SLC5A1: variants seen among roughly 807,000 people sequenced by gnomAD.
The protein encoded by SLC5A1 is solute carrier family 5 member 1.
A neutral mutation model predicts 73.5 loss-of-function variants in SLC5A1; 42 were observed. The observed-to-expected ratio is 0.57, with a 90% CI of 0.45 to 0.74. The LOEUF (loss-of-function observed/expected upper bound fraction) is 0.74. Ranked by LOEUF, SLC5A1 falls within the 30% of genes least tolerant of loss-of-function variation. SLC5A1 has a pLI of 0.00. For missense variants in SLC5A1, 634 were observed against 855.4 expected (o/e 0.74, Z 3.23); for synonymous variants, 300 against 317.4 (o/e 0.95, Z 0.58).
chr22:32,082,673 C>T (rs2094001845), intron 6 of SLC5A1, among the ~76,000 whole-genome samples: 1 of 152,102 alleles, frequency 6.6e-6, no homozygotes, highest in African/African-American at 2.4e-5. Flanking sequence ...TGACTGCAGC[C>T]CCACAGCTTT....
Position 32,068,082 on chromosome 22 carries a change from G to T in SLC5A1, c.372+56G>T, listed in dbSNP as rs886645497. On this transcript the variant is annotated intron_variant, in intron 4 of 14. Coordinates refer to ENST00000266088, the MANE Select transcript of SLC5A1 (RefSeq NM_000343.4). ...GCTGGCAAATGTATCTGTCAGCTTG[G>T]TCTTCCTAGAGGGCAGAGGAGACAT... 6 of 1,555,250 alleles carry T rather than the reference G, an allele frequency of 3.9e-6. No homozygotes were observed. In the Admixed American group the frequency reaches 5.0e-5, roughly 13 times the overall value.
chr22:32,043,267 C>T lies in SLC5A1; in HGVS notation c.-15C>T, dbSNP rs200443129. On this transcript the variant is annotated 5_prime_UTR_variant, in exon 1 of 15. It adds an upstream start codon to the 5' untranslated region. Coordinates refer to ENST00000266088, the MANE Select transcript of SLC5A1 (RefSeq NM_000343.4). This position sits in a 1 kb window ranked among gnomAD's most constrained non-coding sequence, Gnocchi z 6.5. ...TAGCGGCCCTGGCGAGAGGGAAGGA[C>T]GCAACGCTGCCACCATGGACAGTAG... is the stretch of plus-strand genomic sequence containing the variant. 135 of 1,613,482 alleles carry T rather than the reference C, an allele frequency of 8.4e-5. No individual in the cohort carries two copies. Among genetic ancestry groups the T allele is most frequent in the Admixed American group, 6.8e-4 (41 of 60,020 alleles).
At chr22:32,068,169 G>C in intron 4 of SLC5A1, 143 bp downstream of exon 4, 1 of 872,702 alleles carries the variant, frequency 1.1e-6, no homozygotes, top group Non-Finnish European at 2.0e-6. Context: ...TGAAATTCCC[G>C]ACTGTCTGCA....
chr22:32,089,159 T>C (rs761699297), intron 10 of SLC5A1, among the ~76,000 whole-genome samples: 1 of 152,242 alleles, frequency 6.6e-6, no homozygotes, highest in East Asian at 1.9e-4. Context: ...TGAAAGCCCT[T>C]CCTACTAACT....
intron 5 of SLC5A1, among the ~76,000 whole-genome samples, chr22:32,081,297 T>C (rs566477135): frequency 6.6e-6 from 1 of 152,282 alleles, no homozygotes; most frequent in South Asian, 2.1e-4. Flanking sequence ...AAGCCTGCTA[T>C]GTAAGAGGTG....
Position 32,106,382 on chromosome 22 carries a change from A to C in SLC5A1, c.1771+1491A>C, listed in dbSNP as rs180781390. 3.0e-3 allele frequency among the ~76,000 whole-genome samples: 450 copies of C among 152,316 alleles called. 2 individuals are homozygous for C. Among genetic ancestry groups the C allele is most frequent in the Non-Finnish European group, 4.4e-3 (300 of 68,024 alleles). On this transcript the variant is annotated intron_variant, in intron 14 of 14. Coordinates refer to ENST00000266088, the MANE Select transcript of SLC5A1 (RefSeq NM_000343.4). ...ATCATATTTTGAGAAACGTCTATTAAAATCTTTAGACCATTTTTGATTGGA... is the reference window on the plus strand; with the variant it reads ...ATCATATTTTGAGAAACGTCTATTACAATCTTTAGACCATTTTTGATTGGA...
rs776452351 is a variant in SLC5A1 at position 32,091,618 on chromosome 22, G to GAGGCC, written c.1137_1141dup (p.Leu381GlnfsTer3). The GAGGCC allele has an allele frequency of 6.2e-7, 1 of 1,614,070 alleles. No homozygotes were observed. Among genetic ancestry groups the GAGGCC allele is most frequent in the Non-Finnish European group, 8.5e-7 (1 of 1,179,962 alleles). On this transcript the variant is annotated frameshift_variant, in exon 11 of 15. Coordinates refer to ENST00000266088, the MANE Select transcript of SLC5A1 (RefSeq NM_000343.4). LOFTEE classifies it high-confidence loss of function. ...AAAAATCCTTCTCTTCCAGGACTGCGAGGCCTGATGCTATCAGTCATGCTG... is the reference window on the plus strand; with the variant it reads ...AAAAATCCTTCTCTTCCAGGACTGCGAGGCCAGGCCTGATGCTATCAGTCATGCTG...
In SLC5A1 at chr22:32,081,851, C is replaced by T. The variant is rs1032566409; in HGVS notation, c.478-15C>T. The T allele has an allele frequency of 5.7e-6, 9 of 1,578,954 alleles. No homozygotes were observed. The highest frequency in any genetic ancestry group is 7.0e-6 in the Non-Finnish European group (8 of 1,148,722). On this transcript the variant is annotated splice_polypyrimidine_tract_variant and intron_variant, in intron 5 of 14. Transcript: ENST00000266088. ...ACCACTCTCCCTCCTAACTCCGCCTCTCCTCTCCTTCCAGGCAGACATCTT... is the reference window on the plus strand; with the variant it reads ...ACCACTCTCCCTCCTAACTCCGCCTTTCCTCTCCTTCCAGGCAGACATCTT...
chr22:32,073,857 C>A (rs982582370), intron 5 of SLC5A1, among the ~76,000 whole-genome samples: 1 of 152,158 alleles, frequency 6.6e-6, no homozygotes, highest in Non-Finnish European at 1.5e-5. Context: ...CTGCGCCCGG[C>A]CCCCGGGTTG....
intron 12 of SLC5A1, among the ~76,000 whole-genome samples, chr22:32,099,598 A>AT (rs1282912206): frequency 2.0e-5 from 3 of 151,356 alleles, no homozygotes; most frequent in Non-Finnish European, 4.4e-5. Context: ...TTTCTTAAAA[A>AT]TTTTTTTTAA....
intron 1 of SLC5A1, among the ~76,000 whole-genome samples, chr22:32,049,480 A>G (rs1410454640): frequency 6.8e-6 from 1 of 147,070 alleles, no homozygotes; most frequent in Admixed American, 6.8e-5. Flanking sequence ...CCTGGGCTCA[A>G]ATGATTCTCC....
intron 1 of SLC5A1, among the ~76,000 whole-genome samples, chr22:32,044,943 T>C (rs999071105): frequency 1.3e-5 from 2 of 152,196 alleles, no homozygotes; most frequent in African/African-American, 2.4e-5. Flanking sequence ...AGGTGGGTAG[T>C]ATATTTTTAC....
chr22:32,077,120 C>A (rs1301650807), intron 5 of SLC5A1, among the ~76,000 whole-genome samples: 3 of 152,152 alleles, frequency 2.0e-5, no homozygotes, highest in African/African-American at 7.2e-5. Flanking sequence ...ATCTAGAGGA[C>A]CATAATTTTT....
intron 14 of SLC5A1, 77 bp from the exon 15 acceptor site, chr22:32,109,913 G>A: frequency 9.3e-7 from 1 of 1,075,862 alleles, no homozygotes; most frequent in Non-Finnish European, 1.4e-6. Context: ...GATGCTTCAT[G>A]GTGTGGCTTC....
intron 11 of SLC5A1, among the ~76,000 whole-genome samples, chr22:32,093,554 C>CTTTCT (rs199653525): frequency 1.3e-4 from 19 of 150,104 alleles, no homozygotes; most frequent in Non-Finnish European, 1.8e-4. Flanking sequence ...GTCTTTTTTC[C>CTTTCT]TTTCTTTTCT....
intron 1 of SLC5A1, among the ~76,000 whole-genome samples, chr22:32,046,318 C>A (rs1351445226): frequency 6.6e-6 from 1 of 151,998 alleles, no homozygotes; most frequent in Non-Finnish European, 1.5e-5. Context: ...ATGGTCCTTA[C>A]TATCATTGCA....
At chr22:32,096,684 T>C (rs2094026785) in intron 11 of SLC5A1, among the ~76,000 whole-genome samples, 1 of 152,194 alleles carries the variant, frequency 6.6e-6, no homozygotes, top group Non-Finnish European at 1.5e-5. Context: ...TTATCATGAT[T>C]ATCCATGGAG....
At chr22:32,089,759 G>C (rs1416816190) in intron 10 of SLC5A1, among the ~76,000 whole-genome samples, 2 of 152,164 alleles carry the variant, frequency 1.3e-5, no homozygotes, top group Non-Finnish European at 2.9e-5. Context: ...AGGGATTCAT[G>C]TATCAGATGG....
At position 32,073,831 on chromosome 22, in the gene SLC5A1, T is replaced by C. The variant is rs910584248; in HGVS notation, c.477+5231T>C. Among the ~76,000 whole-genome samples, 4 of 152,190 alleles carry C rather than the reference T, an allele frequency of 2.6e-5. 1 individual carries two copies. Among genetic ancestry groups the C allele is most frequent in the Admixed American group, 2.6e-4 (4 of 15,284 alleles). On this transcript the variant is annotated intron_variant, in intron 5 of 14. Coordinates refer to ENST00000266088, the MANE Select transcript of SLC5A1 (RefSeq NM_000343.4). ...GCTTCGGCCTCCCAAAGTGCTGGGA[T>C]TACAGGTGTGAGCCACTGCGCCCGG...
Sources: gnomAD v4.1 joint callset for allele counts (sites outside exome capture counted in the v4.1 genomes callset) on GRCh38, gnomAD v4.1.1 for gene constraint, Gnocchi (gnomAD v3.1) non-coding constraint, MANE v1.5 for transcripts, NCBI Gene and HGNC (gene_info 2026-07-23, HGNC 2026-07-21) for gene names.